Variants in THSD4 observed in about 807,000 individuals in gnomAD.
THSD4 encodes thrombospondin type-1 domain-containing protein 4.
In THSD4, 69 loss-of-function variants were observed where a neutral mutation model predicts 119.0. That is an observed-to-expected ratio of 0.58 (90% CI 0.48 to 0.71). The LOEUF is 0.71. Among genes scored for constraint, THSD4 ranks in the 30% least tolerant of loss-of-function variants. The pLI, the probability that THSD4 is intolerant of heterozygous loss-of-function variation, is 0.00. For missense variants in THSD4, 1,393 were observed against 1,391.1 expected, an observed-to-expected ratio of 1.00 and a Z score of -0.02; for synonymous variants, 524 against 540.4, an observed-to-expected ratio of 0.97 and a Z score of 0.42.
chr15:71,647,413 G>A (rs1191685399), intron 7 of THSD4, among the ~76,000 whole-genome samples: 2 of 152,136 alleles, frequency 1.3e-5, no homozygotes, highest in African/African-American at 4.8e-5. Flanking sequence ...AAAGCATGAA[G>A]GAGCCTTCAT....
intron 7 of THSD4, among the ~76,000 whole-genome samples, chr15:71,415,969 G>C (rs146392610): frequency 0.097 from 14,824 of 152,094 alleles, 834 homozygotes; most frequent in South Asian, 0.24. Context: ...GCTAATTTTT[G>C]TATTTTTAGT....
At chr15:71,233,488 A>T (rs1306504272) in intron 4 of THSD4, among the ~76,000 whole-genome samples, 1 of 152,184 alleles carries the variant, frequency 6.6e-6, no homozygotes, top group Admixed American at 6.5e-5. Context: ...AAAAAAACAC[A>T]CACGCACAAA....
chr15:71,532,283 AGTGTGTGTGT>A (rs1210856261), intron 7 of THSD4, among the ~76,000 whole-genome samples: 1,270 of 101,584 alleles, frequency 0.013, 32 homozygotes, highest in African/African-American at 0.042. Flanking sequence ...AGAGAGAGAG[AGTGTGTGTGT>A]GTGTGTGTGT....
intron 7 of THSD4, among the ~76,000 whole-genome samples, chr15:71,610,508 T>C (rs2050203361): frequency 6.6e-6 from 1 of 152,164 alleles, no homozygotes; most frequent in Non-Finnish European, 1.5e-5. Flanking sequence ...CAAAGGGGAC[T>C]GCCCTTTCAG....
chr15:71,133,164 A>T (rs2040519201), intron 1 of THSD4, among the ~76,000 whole-genome samples: 1 of 152,106 alleles, frequency 6.6e-6, no homozygotes, highest in Non-Finnish European at 1.5e-5. Flanking sequence ...AGAGTGGAGG[A>T]AGGCTGGAGT....
At chr15:71,533,637 G>A (rs956895892) in intron 7 of THSD4, among the ~76,000 whole-genome samples, 3 of 152,148 alleles carry the variant, frequency 2.0e-5, no homozygotes, top group African/African-American at 4.8e-5. Flanking sequence ...ACTGGTGTTC[G>A]TTGAAAATGT....
At chr15:71,754,240 C>A (rs772703547) in intron 14 of THSD4, among the ~76,000 whole-genome samples, 1 of 152,024 alleles carries the variant, frequency 6.6e-6, no homozygotes, top group African/African-American at 2.4e-5. Flanking sequence ...CAGGTGCACA[C>A]CATCATGCCC....
chr15:71,108,059 C>T (rs568749489), intron 1 of THSD4, among the ~76,000 whole-genome samples: 1 of 152,366 alleles, frequency 6.6e-6, no homozygotes, highest in East Asian at 1.9e-4. Context: ...TCCTCTGCCT[C>T]CTCTGATGTC....
chr15:71,674,395 A>G (rs1056779244), intron 8 of THSD4, among the ~76,000 whole-genome samples: 50 of 152,332 alleles, frequency 3.3e-4, no homozygotes, highest in Admixed American at 8.5e-4. Flanking sequence ...ATGTCATAGA[A>G]CTATTACCTT....
At chr15:71,143,182 T>C (rs1332270624) in intron 2 of THSD4, among the ~76,000 whole-genome samples, 1 of 152,208 alleles carries the variant, frequency 6.6e-6, no homozygotes, top group Non-Finnish European at 1.5e-5. Context: ...GGCTGTATGA[T>C]ATTGAGCCAC....
intron 7 of THSD4, chr15:71,547,670 A>G (rs1024237755): frequency 4.4e-6 from 3 of 677,458 alleles, no homozygotes; most frequent in Non-Finnish European, 6.7e-6. Flanking sequence ...AGAATTTTAT[A>G]CTTTCTAAAA....
chr15:71,587,800 G>GAAAAAAAAAAAAAAAAAACA (rs1555429620), intron 7 of THSD4, among the ~76,000 whole-genome samples: 1 of 39,144 alleles, frequency 2.6e-5, no homozygotes, highest in Non-Finnish European at 5.9e-5. Flanking sequence ...AAAAAAAAAA[G>GAAAAAAAAAAAAAAAAAACA]AAAAAAAAAA....
chr15:71,473,890 G>A (rs1175302211), intron 7 of THSD4, among the ~76,000 whole-genome samples: 1 of 152,182 alleles, frequency 6.6e-6, no homozygotes, highest in Non-Finnish European at 1.5e-5. Flanking sequence ...TACCAGCCCA[G>A]GTCCTACCTT....
intron 4 of THSD4, among the ~76,000 whole-genome samples, chr15:71,228,214 A>G (rs1025629938): frequency 6.6e-6 from 1 of 152,166 alleles, no homozygotes; most frequent in Non-Finnish European, 1.5e-5. Context: ...GAGATGTAAC[A>G]TGCAGGCACA....
chr15:71,100,266 C>G (rs1199222469), intron 1 of THSD4, among the ~76,000 whole-genome samples: 1 of 152,178 alleles, frequency 6.6e-6, no homozygotes, highest in African/African-American at 2.4e-5. Context: ...TGTGATTGTG[C>G]TATCTAAGAT....
intron 3 of THSD4, among the ~76,000 whole-genome samples, chr15:71,191,665 C>T (rs1489553599): frequency 6.6e-6 from 1 of 152,104 alleles, no homozygotes; most frequent in Non-Finnish European, 1.5e-5. Flanking sequence ...ATACTGAGCC[C>T]CTGAGCTCTC....
chr15:71,351,161 G>T (rs531320660), intron 6 of THSD4, among the ~76,000 whole-genome samples: 1 of 152,264 alleles, frequency 6.6e-6, no homozygotes, highest in Admixed American at 6.5e-5. Context: ...AGCCTCTGCA[G>T]CACAATTGAA....
chr15:71,757,869 T>G (rs780126103), intron 14 of THSD4, 33 bp from the exon 15 acceptor site: 20 of 1,610,362 alleles, frequency 1.2e-5, no homozygotes, highest in Non-Finnish European at 1.7e-5. Context: ...TGCCAGGGCC[T>G]CCTGACTAAT....
intron 7 of THSD4, among the ~76,000 whole-genome samples, chr15:71,435,445 A>T (rs893481964): frequency 5.3e-5 from 8 of 152,226 alleles, no homozygotes; most frequent in Non-Finnish European, 1.2e-4. Flanking sequence ...CCAATAAGAT[A>T]GTTGTTTAAG....
Sources: gnomAD v4.1 joint callset for allele counts (sites outside exome capture counted in the v4.1 genomes callset) on GRCh38, gnomAD v4.1.1 for gene constraint, MANE v1.5 for transcripts, NCBI Gene and HGNC (gene_info 2026-07-23, HGNC 2026-07-21) for gene names.